CNBD1: variants seen among roughly 807,000 people sequenced by gnomAD.
CNBD1 encodes cyclic nucleotide-binding domain-containing protein 1.
A neutral mutation model predicts 54.4 loss-of-function variants in CNBD1; 71 were observed. The observed-to-expected ratio is 1.30, with a 90% CI of 1.08 to 1.59. CNBD1 has a LOEUF of 1.59. Among genes scored for constraint, CNBD1 ranks in the 40% most tolerant of loss-of-function variants. The probability of loss-of-function intolerance (pLI) is 0.00; values close to 1 mark genes in which losing one functional copy is unlikely to be tolerated. For missense variants in CNBD1, 659 were observed against 518.0 expected (o/e 1.27, Z -2.64); for synonymous variants, 182 against 170.7 (o/e 1.07, Z -0.51).
At chr8:87,268,866 G>T (rs1808310942) in intron 6 of CNBD1, among the ~76,000 whole-genome samples, 1 of 152,000 alleles carries the variant, frequency 6.6e-6, no homozygotes, top group African/African-American at 2.4e-5. Context: ...CTCACATTCT[G>T]TATGTTGTCA....
chr8:87,090,047 G>A (rs756132615), intron 4 of CNBD1, among the ~76,000 whole-genome samples: 34 of 151,842 alleles, frequency 2.2e-4, no homozygotes, highest in Non-Finnish European at 3.2e-4. Flanking sequence ...TAATTACTTA[G>A]TTCTTCTGGC....
chr8:87,156,719 G>C (rs1003350582), intron 4 of CNBD1, among the ~76,000 whole-genome samples: 1 of 152,092 alleles, frequency 6.6e-6, no homozygotes, highest in African/African-American at 2.4e-5. Flanking sequence ...GGTTAAGCCT[G>C]CTATGGGATT....
chr8:86,906,338 T>C (rs1004458520), intron 3 of CNBD1, among the ~76,000 whole-genome samples: 1 of 152,316 alleles, frequency 6.6e-6, no homozygotes, highest in Admixed American at 6.5e-5. Context: ...CCATATTAGT[T>C]GACTGGGAAA....
At chr8:87,262,490 T>C (rs1586373128) in intron 6 of CNBD1, among the ~76,000 whole-genome samples, 1 of 152,220 alleles carries the variant, frequency 6.6e-6, no homozygotes, top group East Asian at 1.9e-4. Flanking sequence ...CCTTCACCAA[T>C]GTGGGCAGCC....
At position 87,399,796 on chromosome 8, in the gene CNBD1, T is replaced by A. The variant is rs968384535; in HGVS notation, c.214-28750T>A. The stretch of plus-strand genomic sequence containing the variant: ...TTATGGTGCTTGGACAGTGATTATT[T>A]AACTCAACTGGTGAAAAAGTATTTC... On this transcript the variant is annotated intron_variant, in intron 2 of 7. Transcript: ENST00000521593. 2.6e-5 allele frequency among the ~76,000 whole-genome samples: 4 copies of A among 152,062 alleles called. No individual in the cohort carries two copies. The East Asian group carries it at 7.8e-4, about 30-fold the overall frequency.
chr8:87,389,286 A>C (rs1174319245), intron 2 of CNBD1, among the ~76,000 whole-genome samples: 1 of 152,200 alleles, frequency 6.6e-6, no homozygotes, highest in Non-Finnish European at 1.5e-5. Flanking sequence ...AAGGGTATTC[A>C]ATTAGGAAAA....
At chr8:87,082,221 A>G (rs942216078) in intron 4 of CNBD1, among the ~76,000 whole-genome samples, 3 of 152,104 alleles carry the variant, frequency 2.0e-5, no homozygotes, top group Admixed American at 2.0e-4. Flanking sequence ...GAGTCACATG[A>G]TCTCCCCACC....
chr8:86,880,676 G>T (rs772582993), intron 1 of CNBD1, among the ~76,000 whole-genome samples: 12 of 152,150 alleles, frequency 7.9e-5, no homozygotes, highest in Admixed American at 3.3e-4. Context: ...TCCTGAAGAG[G>T]AAAGGGTAGA....
intron 6 of CNBD1, among the ~76,000 whole-genome samples, chr8:87,274,589 G>A (rs1432597340): frequency 2.8e-5 from 4 of 143,594 alleles, no homozygotes; most frequent in Admixed American, 1.4e-4. Context: ...GTCTGTTCAT[G>A]TCCTTCGCCC....
chr8:87,427,872 T>A (rs1033354), intron 2 of CNBD1, among the ~76,000 whole-genome samples: 86,092 of 151,848 alleles, frequency 0.57, 25,936 homozygotes, highest in African/African-American at 0.77. Flanking sequence ...ACCTCATCCA[T>A]AACATAAAGG....
chr8:87,085,982 G>A (rs1171021523), intron 4 of CNBD1, among the ~76,000 whole-genome samples: 1 of 152,072 alleles, frequency 6.6e-6, no homozygotes, highest in African/African-American at 2.4e-5. Context: ...TTTCATAATA[G>A]GGATAGGGCA....
intron 4 of CNBD1, among the ~76,000 whole-genome samples, chr8:87,177,817 G>T (rs914682129): frequency 1.3e-5 from 2 of 152,110 alleles, no homozygotes; most frequent in Admixed American, 1.3e-4. Context: ...TAGAAGAATT[G>T]CATGAATTGT....
At chr8:87,353,183 T>C (rs1214811912) in intron 9 of CNBD1, among the ~76,000 whole-genome samples, 1 of 152,188 alleles carries the variant, frequency 6.6e-6, no homozygotes, top group African/African-American at 2.4e-5. Flanking sequence ...GAATAATCCC[T>C]CCTTTTTGAC....
chr8:87,198,522 C>T (rs1813770885), intron 4 of CNBD1, among the ~76,000 whole-genome samples: 1 of 152,150 alleles, frequency 6.6e-6, no homozygotes. Context: ...ATCCCGAGGA[C>T]ATTCAAATGC....
Position 87,087,776 on chromosome 8 carries a change from T to C in CNBD1, c.432-118217T>C, listed in dbSNP as rs140495229. On this transcript the variant is annotated intron_variant, in intron 4 of 10. Transcript: ENST00000518476. ...CCACTGTGCCCAGCCATGAAGTACA[T>C]TCTTGAGAATCTCAGGATTTTAGAG... Among the ~76,000 whole-genome samples, 1,172 of 152,250 alleles carry C rather than the reference T, an allele frequency of 7.7e-3. 21 individuals carry two copies. Among genetic ancestry groups the C allele is most frequent in the Middle Eastern group, 0.027 (8 of 294 alleles).
intron 4 of CNBD1, among the ~76,000 whole-genome samples, chr8:87,134,678 C>T (rs1468536481): frequency 1.5e-5 from 2 of 129,580 alleles, no homozygotes; most frequent in Non-Finnish European, 3.1e-5. Context: ...TCTTGGCTAA[C>T]TGCAAGCTCC....
chr8:87,307,882 A>C lies in CNBD1; in HGVS notation c.1042+21211A>C, dbSNP rs868376045. On this transcript the variant is annotated intron_variant, in intron 8 of 10. Coordinates refer to ENST00000518476, the MANE Select transcript of CNBD1 (RefSeq NM_173538.3). ...AGAAAAAATAACAATAAACAAAATA[A>C]TTTATTGGTTTATACAACTAGGAAG... is the stretch of plus-strand genomic sequence containing the variant. Among the ~76,000 whole-genome samples the C allele has an allele frequency of 8.5e-5, 13 of 152,050 alleles. No individual in the cohort carries two copies. The South Asian group carries it at 1.2e-3, about 15-fold the overall frequency.
intron 4 of CNBD1, among the ~76,000 whole-genome samples, chr8:86,967,672 A>G (rs1239899226): frequency 1.3e-5 from 2 of 152,022 alleles, no homozygotes; most frequent in African/African-American, 4.8e-5. Context: ...TATATTTTCC[A>G]TCTGTTCTTG....
At chr8:86,891,574 T>G (rs2131793255) in intron 2 of CNBD1, among the ~76,000 whole-genome samples, 1 of 152,220 alleles carries the variant, frequency 6.6e-6, no homozygotes, top group Non-Finnish European at 1.5e-5. Flanking sequence ...TTTGGGGTCT[T>G]TAGTAGTTCC....
Sources: gnomAD v4.1 joint callset for allele counts (sites outside exome capture counted in the v4.1 genomes callset) on GRCh38, gnomAD v4.1.1 for gene constraint, MANE v1.5 for transcripts, NCBI Gene and HGNC (gene_info 2026-07-23, HGNC 2026-07-21) for gene names.